The following SORL1 variants were observed in gnomAD, a reference collection of about 807,000 sequenced individuals.
The protein encoded by SORL1 is sortilin related receptor 1, also known as sortilin-related receptor.
Under a neutral mutation model 273.7 loss-of-function variants are expected in SORL1, and 127 were observed. That is an observed-to-expected ratio of 0.46 (90% CI 0.40 to 0.54). SORL1 has a LOEUF of 0.54. SORL1 is among the 20% of genes least tolerant of loss of function. The pLI is 0.00. For missense variants in SORL1, 2,494 were observed against 2,846.1 expected (o/e 0.88, Z 2.81); for synonymous variants, 1,031 against 1,067.4 (o/e 0.97, Z 0.66).
chr11:121,487,998 G>A (rs567862452), intron 3 of SORL1, 34 bp from the exon 4 acceptor site: 2 of 1,610,582 alleles, frequency 1.2e-6, no homozygotes, highest in East Asian at 4.5e-5. Flanking sequence ...CTCTGGACAG[G>A]GCCTGCTCTC....
chr11:121,598,778 C>T (rs549178041), intron 32 of SORL1, among the ~76,000 whole-genome samples: 2 of 152,308 alleles, frequency 1.3e-5, no homozygotes, highest in South Asian at 4.1e-4. Flanking sequence ...TAATTTATTT[C>T]CACCATGCAT....
chr11:121,552,212 C>T (rs1317925045), intron 16 of SORL1, among the ~76,000 whole-genome samples: 2 of 152,028 alleles, frequency 1.3e-5, no homozygotes, highest in African/African-American at 4.8e-5. Flanking sequence ...TAATGGGGGC[C>T]GTAATATCTT....
intron 1 of SORL1, among the ~76,000 whole-genome samples, chr11:121,459,497 T>C (rs1860958013): frequency 6.6e-6 from 1 of 152,132 alleles, no homozygotes; most frequent in Non-Finnish European, 1.5e-5. Context: ...AGGGGGACCG[T>C]GGAGGGCCAA....
chr11:121,571,813 C>T (rs117264761), intron 23 of SORL1, among the ~76,000 whole-genome samples: 23 of 152,284 alleles, frequency 1.5e-4, no homozygotes, highest in Non-Finnish European at 2.4e-4. Context: ...CCTTTCACAC[C>T]GAGGGAGTAG....
chr11:121,522,966 A>C lies in SORL1; in HGVS notation c.1573A>C (p.Ser525Arg). ...ASKTNVYISSSAGARWREALP... is the reference protein window; with the variant it reads ...ASKTNVYISSRAGARWREALP... ...CAAGACAAACGTGTACATCTCTAGC[A>C]GTGCTGGAGCCAGGTGGCGAGAGGT... is the stretch of plus-strand genomic sequence containing the variant. The change falls in exon 11 of 48, where the codon AGT (serine) becomes CGT (arginine). Residue 525 changes from serine (S) to arginine (R), a missense_variant. Coordinates refer to ENST00000260197, the MANE Select transcript of SORL1 (RefSeq NM_003105.6). 6.2e-7 allele frequency: 1 copy of C among 1,613,830 alleles called. No individual in the cohort carries two copies. Among genetic ancestry groups the C allele is most frequent in the Non-Finnish European group, 8.5e-7 (1 of 1,179,694 alleles).
In SORL1 at chr11:121,627,726, C is replaced by G. The variant is rs1247702582; in HGVS notation, c.6536C>G (p.Ser2179Cys). 6.2e-7 allele frequency: 1 copy of G among 1,614,106 alleles called. No homozygotes were observed. Among genetic ancestry groups the G allele is most frequent in the African/African-American group, 1.3e-5 (1 of 75,054 alleles). Residue 2179 changes from serine to cysteine, a missense_variant, in exon 47 of 48, where the codon TCC becomes TGC. By Grantham distance (112) the Ser-to-Cys change is moderately radical. This residue lies in a region of SORL1 where 1,609 missense variants were observed against 1,816.4 expected (regional missense o/e 0.89). Transcript: ENST00000260197. The surrounding 1 kb of genome is among the most constrained non-coding windows in gnomAD (Gnocchi z 4.9). ...GCCTTCGCCAACAGCCACTACAGCT[C>G]CAGGCTGGGGTCCGCAATCTTCTCC... ...FTAFANSHYS[S>C]RLGSAIFSSG...
At chr11:121,540,849 T>C (rs893421527) in intron 12 of SORL1, among the ~76,000 whole-genome samples, 8 of 152,224 alleles carry the variant, frequency 5.3e-5, no homozygotes, top group African/African-American at 1.9e-4. Flanking sequence ...TTCGAGGAGC[T>C]CTTAAAGAGA....
chr11:121,542,463 AT>A (rs58736773), intron 12 of SORL1, among the ~76,000 whole-genome samples: 4 of 151,166 alleles, frequency 2.6e-5, no homozygotes, highest in Non-Finnish European at 3.0e-5. Context: ...TGTGGCCTTG[AT>A]TTTTTTTTGA....
chr11:121,558,863 A>G, intron 20 of SORL1, 26 bp downstream of exon 20: 1 of 1,613,082 alleles, frequency 6.2e-7, no homozygotes, highest in Middle Eastern at 1.7e-4. Context: ...GCTGCCGGAC[A>G]GTCTGCTAGA....
chr11:121,581,693 C>G (rs1863018064), intron 25 of SORL1, among the ~76,000 whole-genome samples: 1 of 152,224 alleles, frequency 6.6e-6, no homozygotes, highest in African/African-American at 2.4e-5. Flanking sequence ...AAACTGATTA[C>G]TCTTTCTGAG....
chr11:121,590,063 T>C lies in SORL1; in HGVS notation c.4102T>C (p.Cys1368Arg). Residue 1368 changes from cysteine to arginine, a missense_variant, in exon 30 of 48, where the codon TGC becomes CGC. Physicochemically the swap from Cys to Arg is radical, Grantham distance 180 (BLOSUM62 -3). This residue lies in a region of SORL1 where 1,609 missense variants were observed against 1,816.4 expected (regional missense o/e 0.89). Coordinates refer to ENST00000260197, the MANE Select transcript of SORL1 (RefSeq NM_003105.6). The stretch of plus-strand genomic sequence containing the variant: ...AGAAAACCCCACAGAAGCCCCAAAC[T>C]GCTCCCGCTACTTCCAGTTTCGGTG... ...NCENPTEAPNCSRYFQFRCEN... is the reference protein window; with the variant it reads ...NCENPTEAPNRSRYFQFRCEN... 5 of 1,614,136 alleles carry C rather than the reference T, an allele frequency of 3.1e-6. No individual in the cohort carries two copies. The highest frequency in any genetic ancestry group is 1.3e-5 in the African/African-American group (1 of 75,038).
chr11:121,551,868 T>G lies in SORL1; in HGVS notation c.2266+1198T>G, dbSNP rs149936361. Among the ~76,000 whole-genome samples, 431 of 152,330 alleles carry G rather than the reference T, an allele frequency of 2.8e-3. 4 individuals carry two copies. The highest frequency in any genetic ancestry group is 9.9e-3 in the African/African-American group (413 of 41,572). On this transcript the variant is annotated intron_variant, in intron 16 of 47. Transcript: ENST00000260197. ...CACCACTTCAGCAAATTCCAACAAATGAGCAGATAATATTCAAATATTTCC... is the reference window on the plus strand; with the variant it reads ...CACCACTTCAGCAAATTCCAACAAAGGAGCAGATAATATTCAAATATTTCC...
At chr11:121,603,287 C>A (rs180779638) in intron 32 of SORL1, among the ~76,000 whole-genome samples, 2 of 152,272 alleles carry the variant, frequency 1.3e-5, no homozygotes, top group Admixed American at 1.3e-4. Context: ...CCTTCCTTGT[C>A]CAGGACTGGG....
intron 5 of SORL1, among the ~76,000 whole-genome samples, chr11:121,494,887 A>G (rs1861605243): frequency 6.6e-6 from 1 of 152,182 alleles, no homozygotes; most frequent in Admixed American, 6.5e-5. Flanking sequence ...GGCTAGAGGA[A>G]GTACTTTAAT....
intron 18 of SORL1, among the ~76,000 whole-genome samples, chr11:121,556,629 G>A (rs1319567762): frequency 3.9e-5 from 6 of 152,208 alleles, no homozygotes; most frequent in African/African-American, 7.2e-5. Context: ...TACTGTTGGT[G>A]CAAAATGGTG....
chr11:121,553,314 A>G (rs1690904457), intron 16 of SORL1, among the ~76,000 whole-genome samples: 2 of 152,274 alleles, frequency 1.3e-5, no homozygotes, highest in South Asian at 2.1e-4. Context: ...ATTATACACA[A>G]TATGTACACA....
In SORL1 at chr11:121,558,504, G is replaced by T. The variant is rs1028325320; in HGVS notation, c.2664-87G>T. The T allele has an allele frequency of 2.8e-6, 4 of 1,403,834 alleles. No homozygotes were observed. The African/African-American group carries it at 4.3e-5, about 15-fold the overall frequency. The allele number at this position is 1,403,834 out of a possible 1,614,324, so 87.0% of individuals were successfully genotyped here. A position where few individuals can be genotyped will look rare whatever the true frequency, so the allele number is the denominator to read the frequency against. On this transcript the variant is annotated intron_variant, in intron 19 of 47. Transcript: ENST00000260197. Reference sequence around the variant, plus strand: ...AAATAACCAGCCGGATCATTCGAAAGGAGTTTCTGACCTTTTCTGGAGTAG... The same window carrying T: ...AAATAACCAGCCGGATCATTCGAAATGAGTTTCTGACCTTTTCTGGAGTAG...
chr11:121,493,623 C>T (rs568020124), intron 5 of SORL1, among the ~76,000 whole-genome samples: 17 of 152,196 alleles, frequency 1.1e-4, no homozygotes, highest in Admixed American at 7.9e-4. Flanking sequence ...TTTATATATT[C>T]GAGATTAGCC....
rs779281101 is a variant in SORL1, at chr11:121,497,026, T to G, written c.916T>G (p.Tyr306Asp). The change falls in exon 6 of 48, where the codon TAC becomes GAC. Residue 306 changes from tyrosine to aspartate, a missense_variant. This residue lies in a region of SORL1 where 710 missense variants were observed against 882.5 expected (regional missense o/e 0.80). Transcript: ENST00000260197. The part of the protein sequence containing the change: ...EVRDFQLRDK[Y>D]MFATKVVHLL... Reference sequence around the variant, plus strand: ...GAGAGATTTTCAGCTTCGGGACAAGTACATGTTTGCTACAAAGGTGGTGGT... The same window carrying G: ...GAGAGATTTTCAGCTTCGGGACAAGGACATGTTTGCTACAAAGGTGGTGGT... 2.5e-6 allele frequency: 4 copies of G among 1,613,892 alleles called. No individual in the cohort carries two copies. Among genetic ancestry groups the G allele is most frequent in the Non-Finnish European group, 2.5e-6 (3 of 1,179,946 alleles).
Sources: gnomAD v4.1 joint callset for allele counts (sites outside exome capture counted in the v4.1 genomes callset) on GRCh38, gnomAD v4.1.1 for gene constraint, gnomAD v4.1.1 regional missense constraint, Gnocchi (gnomAD v3.1) non-coding constraint, MANE v1.5 for transcripts, NCBI Gene and HGNC (gene_info 2026-07-23, HGNC 2026-07-21) for gene names.